The following CDH13 variants were observed in gnomAD, a reference collection of about 807,000 sequenced individuals.
CDH13 encodes cadherin-13.
In CDH13, 24 loss-of-function variants were observed where a neutral mutation model predicts 63.8. The ratio of observed to expected loss-of-function variants is 0.38; its 90% CI spans 0.27 to 0.53. The LOEUF (loss-of-function observed/expected upper bound fraction) is 0.53, where lower values mean the gene tolerates loss of function less well. CDH13 is among the 20% of genes least tolerant of loss of function. CDH13 has a pLI of 0.85. For synonymous variants in CDH13, 503 were observed against 355.3 expected, an observed-to-expected ratio of 1.42 and a Z score of -4.67; for missense variants, 1,049 against 903.1, an observed-to-expected ratio of 1.16 and a Z score of -2.07.
chr16:82,666,671 C>A lies in CDH13; in HGVS notation c.45+39534C>A, dbSNP rs16958049. On this transcript the variant is annotated intron_variant, in intron 1 of 13. Transcript: ENST00000567109. ...TACAACAACCATGGTAACTGAGGCA[C>A]GAAGAACATCTTTCTTATTTGTGGT... Among the ~76,000 whole-genome samples, 3,904 of 152,268 alleles carry A rather than the reference C, an allele frequency of 0.026. 290 individuals are homozygous for A. In the East Asian group the frequency reaches 0.3, roughly 12 times the overall value.
At chr16:83,409,730 T>A (rs553581137) in intron 6 of CDH13, among the ~76,000 whole-genome samples, 1 of 152,232 alleles carries the variant, frequency 6.6e-6, no homozygotes, top group African/African-American at 2.4e-5. Flanking sequence ...CAATAAATCA[T>A]TCAGCTTTTC....
At position 83,128,258 on chromosome 16, in the gene CDH13, A is replaced by T. The variant is rs113253273; in HGVS notation, c.483+2757A>T. On this transcript the variant is annotated intron_variant, in intron 4 of 13. Transcript: ENST00000567109. ...TTCAGATATGCAGCCGAGGTGGAGG[A>T]CTGCCGGTCTTAAGCAGTCCTCCAA... Among the ~76,000 whole-genome samples the T allele has an allele frequency of 1.9e-3, 287 of 152,240 alleles. 2 individuals carry two copies. The highest frequency in any genetic ancestry group is 6.7e-3 in the African/African-American group (278 of 41,534).
intron 6 of CDH13, among the ~76,000 whole-genome samples, chr16:83,406,233 G>A (rs758431088): frequency 1.1e-4 from 17 of 152,148 alleles, no homozygotes; most frequent in Non-Finnish European, 2.5e-4. Flanking sequence ...AGCGCCCGGT[G>A]GTAACCAGCT....
At chr16:82,681,263 T>C (rs1597307608) in intron 1 of CDH13, among the ~76,000 whole-genome samples, 1 of 152,108 alleles carries the variant, frequency 6.6e-6, no homozygotes, top group African/African-American at 2.4e-5. Flanking sequence ...CCCCATACCG[T>C]GTGGTTCCAT....
intron 9 of CDH13, among the ~76,000 whole-genome samples, chr16:83,671,518 G>T (rs1914498292): frequency 6.6e-6 from 1 of 152,192 alleles, no homozygotes; most frequent in African/African-American, 2.4e-5. Context: ...CAAAATGCTG[G>T]AGTTACAAGT....
chr16:82,683,128 T>C (rs1242055276), intron 1 of CDH13, among the ~76,000 whole-genome samples: 2 of 152,212 alleles, frequency 1.3e-5, no homozygotes, highest in Non-Finnish European at 2.9e-5. Context: ...AGTGAAACAA[T>C]GCTCTGCAGG....
chr16:82,734,675 A>G (rs2033578780), intron 1 of CDH13, among the ~76,000 whole-genome samples: 1 of 152,260 alleles, frequency 6.6e-6, no homozygotes, highest in South Asian at 2.1e-4. Flanking sequence ...GGAGAAGTCC[A>G]GCTATGATAC....
chr16:83,244,348 C>T (rs768282293), intron 5 of CDH13, among the ~76,000 whole-genome samples: 15 of 152,044 alleles, frequency 9.9e-5, no homozygotes, highest in Non-Finnish European at 7.3e-5. Flanking sequence ...GTATACATAG[C>T]ACATGGAAGA....
rs111285871 is a variant in CDH13 at position 83,428,370 on chromosome 16, ATT to A, written c.782-58096_782-58095del. Among the ~76,000 whole-genome samples the A allele has an allele frequency of 3.4e-4, 51 of 149,206 alleles. No individual in the cohort carries two copies. In the East Asian group the frequency reaches 5.1e-3, roughly 15 times the overall value. On this transcript the variant is annotated intron_variant, in intron 6 of 13. Transcript: ENST00000567109. ...TAATTAGTTTGACCTCCATGGTTAGATTTTTTTTTTTTAACTCCAATATTTTC... is the reference window on the plus strand; with the variant it reads ...TAATTAGTTTGACCTCCATGGTTAGATTTTTTTTTTAACTCCAATATTTTC...
intron 1 of CDH13, among the ~76,000 whole-genome samples, chr16:82,761,814 A>AT (rs1416244332): frequency 6.6e-6 from 1 of 152,068 alleles, no homozygotes; most frequent in Non-Finnish European, 1.5e-5. Context: ...TGTCTAAAAG[A>AT]TTTTTTTATC....
At chr16:83,537,828 A>G (rs1000163902) in intron 7 of CDH13, among the ~76,000 whole-genome samples, 4 of 152,264 alleles carry the variant, frequency 2.6e-5, no homozygotes, top group Non-Finnish European at 4.4e-5. Flanking sequence ...CATTATACCA[A>G]TCTTCCCATG....
At chr16:82,830,300 T>G (rs1348493809) in intron 1 of CDH13, among the ~76,000 whole-genome samples, 7 of 152,226 alleles carry the variant, frequency 4.6e-5, no homozygotes, top group Non-Finnish European at 8.8e-5. Flanking sequence ...ATGCAAGTAC[T>G]ATTAGAGGTA....
chr16:83,227,284 G>A (rs1212380047), intron 5 of CDH13, among the ~76,000 whole-genome samples: 3 of 152,194 alleles, frequency 2.0e-5, no homozygotes, highest in African/African-American at 7.2e-5. Flanking sequence ...CTGGTCTTCA[G>A]GGGTGGGTCA....
chr16:82,674,769 G>A (rs1188890307), intron 1 of CDH13, among the ~76,000 whole-genome samples: 19 of 152,216 alleles, frequency 1.2e-4, no homozygotes, highest in Admixed American at 1.2e-3. Flanking sequence ...AAGAAAGACA[G>A]GAGGAACTAA....
chr16:82,787,393 G>C (rs530123211), intron 1 of CDH13, among the ~76,000 whole-genome samples: 4 of 152,244 alleles, frequency 2.6e-5, no homozygotes, highest in African/African-American at 9.6e-5. Context: ...TGTCCCATTT[G>C]ACTCATTTCA....
chr16:82,647,864 A>T (rs1371609956), intron 1 of CDH13, among the ~76,000 whole-genome samples: 1 of 152,144 alleles, frequency 6.6e-6, no homozygotes, highest in Non-Finnish European at 1.5e-5. Flanking sequence ...CCCAAATCTC[A>T]TCTTGAATTA....
intron 3 of CDH13, among the ~76,000 whole-genome samples, chr16:83,075,352 G>T (rs947516701): frequency 2.6e-5 from 4 of 152,178 alleles, no homozygotes; most frequent in African/African-American, 9.7e-5. Context: ...CATGACCAAG[G>T]TTTACCACCT....
chr16:83,136,813 G>A (rs1048821537), intron 4 of CDH13, among the ~76,000 whole-genome samples: 1 of 152,142 alleles, frequency 6.6e-6, no homozygotes, highest in Non-Finnish European at 1.5e-5. Flanking sequence ...CGTAGGAGTG[G>A]TCTGAGATTC....
intron 5 of CDH13, among the ~76,000 whole-genome samples, chr16:83,318,760 C>G (rs1055163157): frequency 3.9e-5 from 6 of 152,114 alleles, no homozygotes; most frequent in African/African-American, 1.4e-4. Context: ...AATGGCGAGG[C>G]ACTGGTATTC....
Sources: allele counts gnomAD v4.1 joint callset (sites outside exome capture counted in the v4.1 genomes callset), GRCh38; gene constraint gnomAD v4.1.1; transcripts MANE v1.5; gene names NCBI Gene and HGNC (gene_info 2026-07-23, HGNC 2026-07-21).